Variants in EXPH5 observed in about 807,000 individuals in gnomAD.
EXPH5 encodes exophilin 5.
A neutral mutation model predicts 41.1 loss-of-function variants in EXPH5; 42 were observed. The ratio of observed to expected loss-of-function variants is 1.02; its 90% CI spans 0.80 to 1.32. The LOEUF (loss-of-function observed/expected upper bound fraction) is 1.32. Ranked by LOEUF, EXPH5 falls within the 40% of genes most tolerant of loss-of-function variation. The probability of loss-of-function intolerance (pLI) is 0.00; values close to 1 mark genes in which losing one functional copy is unlikely to be tolerated. For synonymous variants in EXPH5, 798 were observed against 833.5 expected, an observed-to-expected ratio of 0.96 and a Z score of 0.73; for missense variants, 2,298 against 2,314.5, an observed-to-expected ratio of 0.99 and a Z score of 0.15.
At chr11:108,531,960 C>T (rs1458914582) in intron 3 of EXPH5, among the ~76,000 whole-genome samples, 1 of 152,146 alleles carries the variant, frequency 6.6e-6, no homozygotes, top group Non-Finnish European at 1.5e-5. Flanking sequence ...GTAATAGCCT[C>T]TTAACTATCT....
intron 1 of EXPH5, among the ~76,000 whole-genome samples, chr11:108,554,227 C>A (rs1235122523): frequency 1.3e-5 from 2 of 152,084 alleles, no homozygotes; most frequent in Non-Finnish European, 2.9e-5. Flanking sequence ...CCACGCCCAG[C>A]TAATTTTTGT....
At position 108,546,375 on chromosome 11, in the gene EXPH5, A is replaced by G. The variant is rs189677061; in HGVS notation, c.120-4563T>C. ...ACCAGTCAGGACACTTGTAGGGTCTAAAGAAAGAGGTGTTTGCTGGACCAG... is the reference window on the plus strand; with the variant it reads ...ACCAGTCAGGACACTTGTAGGGTCTGAAGAAAGAGGTGTTTGCTGGACCAG... On this transcript the variant is annotated intron_variant, in intron 1 of 5. Coordinates refer to ENST00000265843, the MANE Select transcript of EXPH5 (RefSeq NM_015065.3). Among the ~76,000 whole-genome samples the G allele has an allele frequency of 3.3e-5, 5 of 152,244 alleles. No individual in the cohort carries two copies. In the East Asian group the frequency reaches 9.7e-4, roughly 29 times the overall value.
Position 108,593,543 on chromosome 11 carries a change from T to A in EXPH5, c.-7A>T. On this transcript the variant is annotated 5_prime_UTR_variant, in exon 1 of 6. Transcript: ENST00000265843. ...CCGGAGGAACTTTCGTCATTTTCTTTACTGTGTGTGAGTTACACTTAAGCT... is the reference window on the plus strand; with the variant it reads ...CCGGAGGAACTTTCGTCATTTTCTTAACTGTGTGTGAGTTACACTTAAGCT... 6.2e-7 allele frequency: 1 copy of A among 1,614,216 alleles called. No individual in the cohort carries two copies. The highest frequency in any genetic ancestry group is 1.1e-5 in the South Asian group (1 of 91,082).
chr11:108,539,161 T>A lies in EXPH5; in HGVS notation c.306A>T (p.Arg102Ser), dbSNP rs778523105. 6 of 1,603,918 alleles carry A rather than the reference T, an allele frequency of 3.7e-6. No homozygotes were observed. In the Admixed American group the frequency reaches 1.0e-4, roughly 28 times the overall value. The change falls in exon 3 of 6, where the codon AGA becomes AGT. Residue 102 changes from arginine (R) to serine (S), a missense_variant. By Grantham distance (110) the Arg-to-Ser change is moderately radical. Coordinates refer to ENST00000265843, the MANE Select transcript of EXPH5 (RefSeq NM_015065.3). The stretch of plus-strand genomic sequence containing the variant: ...TTTTTTGATTAGTTACATTTTTAGA[T>A]CTTGATGTAGGTAATTCTATCGGAT... ...KNDPIELPTS[R>S]SKNVTNQKKP... is the part of the protein sequence containing the mutation.
rs778700928 is a variant in EXPH5 at position 108,511,539 on chromosome 11, G to A, written c.3968C>T (p.Thr1323Met). The change falls in exon 6 of 6, where the codon ACG (threonine) becomes ATG (methionine). Residue 1323 changes from threonine to methionine, a missense_variant. Coordinates refer to ENST00000265843, the MANE Select transcript of EXPH5 (RefSeq NM_015065.3). ...NLKMSVNSDQ[T>M]LTTENMTAFR... The stretch of plus-strand genomic sequence containing the variant: ...GGCAGTCATATTTTCAGTGGTGAGC[G>A]TCTGATCAGAGTTGACGGACATCTT... The A allele has an allele frequency of 1.6e-5, 25 of 1,611,082 alleles. No homozygotes were observed. Among genetic ancestry groups the A allele is most frequent in the Middle Eastern group, 3.3e-4 (2 of 6,048 alleles).
intron 3 of EXPH5, among the ~76,000 whole-genome samples, chr11:108,529,145 A>AG (rs1030762162): frequency 2.6e-5 from 4 of 152,120 alleles, no homozygotes; most frequent in South Asian, 2.1e-4. Flanking sequence ...TAAAAAAAAA[A>AG]AGAGAGAAAA....
intron 1 of EXPH5, among the ~76,000 whole-genome samples, chr11:108,574,462 C>A (rs1310613524): frequency 6.6e-6 from 1 of 151,872 alleles, no homozygotes; most frequent in East Asian, 1.9e-4. Context: ...GAGAAGTGTG[C>A]AAACTGAAAC....
rs767415161 is a variant in EXPH5 at position 108,510,308 on chromosome 11, T to A, written c.5199A>T (p.Ser1733=). The change falls in exon 6 of 6, where the codon TCA becomes TCT. Residue 1733 remains serine, a synonymous_variant. Coordinates refer to ENST00000265843, the MANE Select transcript of EXPH5 (RefSeq NM_015065.3). ...CCCTGAGGCTGGTGAATGTGATGGG[T>A]GATGGGGCTCCTGATTCTCTTACTA... The part of the protein sequence containing the change: ...QNLVRESGAP[S]PITFTSLREA... The A allele has an allele frequency of 3.7e-6, 6 of 1,614,030 alleles. No individual in the cohort carries two copies. The East Asian group carries it at 1.3e-4, about 36-fold the overall frequency.
At chr11:108,556,065 A>G (rs548654918) in intron 1 of EXPH5, among the ~76,000 whole-genome samples, 2 of 152,218 alleles carry the variant, frequency 1.3e-5, no homozygotes, top group Non-Finnish European at 2.9e-5. Context: ...TCTAATTGGC[A>G]TTTATTAGTG....
chr11:108,541,602 A>G, intron 2 of EXPH5, 50 bp downstream of exon 2: 3 of 1,310,608 alleles, frequency 2.3e-6, no homozygotes, highest in Non-Finnish European at 3.2e-6. Flanking sequence ...CTACAATACT[A>G]TGCCACAGAA....
chr11:108,554,055 C>A (rs1376653237), intron 1 of EXPH5, among the ~76,000 whole-genome samples: 1 of 149,756 alleles, frequency 6.7e-6, no homozygotes, highest in Non-Finnish European at 1.5e-5. Flanking sequence ...ATGAATGTGG[C>A]CCCTGACCTT....
chr11:108,582,884 G>A (rs1288214698), intron 1 of EXPH5, among the ~76,000 whole-genome samples: 1 of 152,112 alleles, frequency 6.6e-6, no homozygotes, highest in Non-Finnish European at 1.5e-5. Context: ...TTTCCACTTT[G>A]TATAAGGACA....
chr11:108,542,480 T>C (rs1206949066), intron 1 of EXPH5, among the ~76,000 whole-genome samples: 2 of 152,150 alleles, frequency 1.3e-5, no homozygotes, highest in Non-Finnish European at 2.9e-5. Flanking sequence ...AATTAAATGA[T>C]AGATGTTCTA....
Position 108,508,004 on chromosome 11 carries a change from C to CAAAAAAAAAAA in EXPH5, c.*1522_*1532dup, listed in dbSNP as rs754113349. ...GAAACTCCAACTCTACTAAAAATACCAAAAAAAAAAAAAAAAAAAAAAAAA... is the reference window on the plus strand; with the variant it reads ...GAAACTCCAACTCTACTAAAAATACCAAAAAAAAAAAAAAAAAAAAAAAAAAAAAAAAAAAA... On this transcript the variant is annotated 3_prime_UTR_variant, in exon 6 of 6. Coordinates refer to ENST00000265843, the MANE Select transcript of EXPH5 (RefSeq NM_015065.3). 4.5e-5 allele frequency: 3 copies of CAAAAAAAAAAA among 66,724 alleles called. No individual in the cohort carries two copies. Among genetic ancestry groups the CAAAAAAAAAAA allele is most frequent in the Admixed American group, 2.2e-4 (1 of 4,560 alleles). The allele number at this position is 66,724 out of a possible 1,614,324, so 4.1% of individuals were successfully genotyped here.
intron 2 of EXPH5, 90 bp downstream of exon 2, chr11:108,541,562 G>T: frequency 2.7e-6 from 2 of 747,980 alleles, no homozygotes; most frequent in South Asian, 2.2e-5. Flanking sequence ...AACATGGATT[G>T]GTTACATTGG....
At chr11:108,554,570 G>A (rs1055020811) in intron 1 of EXPH5, among the ~76,000 whole-genome samples, 1 of 152,088 alleles carries the variant, frequency 6.6e-6, no homozygotes, top group Admixed American at 6.6e-5. Context: ...AGGGATAATG[G>A]GGTTGGGGGT....
the EXPH5 span, among the ~76,000 whole-genome samples, chr11:108,599,881 G>A: frequency 6.6e-6 from 1 of 152,234 alleles, no homozygotes; most frequent in South Asian, 2.1e-4. Flanking sequence ...CCTGAGAGAA[G>A]GAATGCCATG....
chr11:108,578,155 T>C (rs985023886), intron 1 of EXPH5, among the ~76,000 whole-genome samples: 2 of 152,112 alleles, frequency 1.3e-5, no homozygotes, highest in Non-Finnish European at 2.9e-5. Flanking sequence ...CTTCTAGTAG[T>C]TTCATAGTTT....
At position 108,514,767 on chromosome 11, in the gene EXPH5, G is replaced by A; in HGVS notation, c.740C>T (p.Ser247Phe). 6.2e-7 allele frequency: 1 copy of A among 1,610,432 alleles called. No individual in the cohort carries two copies. The highest frequency in any genetic ancestry group is 8.5e-7 in the Non-Finnish European group (1 of 1,178,940). The change falls in exon 6 of 6, where the codon TCC becomes TTC. Residue 247 changes from serine (S) to phenylalanine (F), a missense_variant. Physicochemically the swap from Ser to Phe is radical, Grantham distance 155. Transcript: ENST00000265843. ...GSRTQFGHFYSSGNRHGNITE... is the reference protein window; with the variant it reads ...GSRTQFGHFYFSGNRHGNITE... ...GATATTACCATGTCTGTTACCACTG[G>A]AATAAAAGTGACCGAACTGTGTTCT...
Sources: gnomAD v4.1 joint callset for allele counts (sites outside exome capture counted in the v4.1 genomes callset) on GRCh38, gnomAD v4.1.1 for gene constraint, MANE v1.5 for transcripts, NCBI Gene and HGNC (gene_info 2026-07-23, HGNC 2026-07-21) for gene names.